The following KIF1A variants were observed in gnomAD, a reference collection of about 807,000 sequenced individuals.
The protein encoded by KIF1A is kinesin-like protein KIF1A.
In KIF1A, 46 loss-of-function variants were observed where a neutral mutation model predicts 227.3. That is an observed-to-expected ratio of 0.20 (90% CI 0.16 to 0.26). The LOEUF (loss-of-function observed/expected upper bound fraction) is 0.26. Among genes scored for constraint, KIF1A ranks in the 10% least tolerant of loss-of-function variants. The probability of loss-of-function intolerance (pLI) is 1.00; values close to 1 mark genes in which losing one functional copy is unlikely to be tolerated. For missense variants in KIF1A, 1,683 were observed against 2,485.9 expected (o/e 0.68, Z 6.87); for synonymous variants, 1,022 against 1,012.8 (o/e 1.01, Z -0.17).
At position 240,760,794 on chromosome 2, in the gene KIF1A, G is replaced by A; in HGVS notation, c.2315C>T (p.Pro772Leu). 6.2e-7 allele frequency: 1 copy of A among 1,605,338 alleles called. No individual in the cohort carries two copies. The highest frequency in any genetic ancestry group is 1.7e-5 in the Admixed American group (1 of 58,310). ...GGCCTCTGGGGGCAGCAGGTCGGGT[G>A]GCAGAGGGGAGTAGAGTGTGTCCGT... ...LLTDTLYSPL[P>L]PDLLPPEAAK... Residue 772 changes from proline (P) to leucine (L), a missense_variant, in exon 25 of 49, where the codon CCA becomes CTA. This residue lies in a region of KIF1A where 217 missense variants were observed against 427.0 expected (regional missense o/e 0.51). Transcript: ENST00000498729.
chr2:240,787,392 G>A lies in KIF1A; in HGVS notation c.364-76C>T, dbSNP rs896903996. Reference sequence around the variant, plus strand: ...GATCCCTGCCCCTTGCGATACTGTGGGCAGCCTGTGCCAGGCGGGATCCAC... The same window carrying A: ...GATCCCTGCCCCTTGCGATACTGTGAGCAGCCTGTGCCAGGCGGGATCCAC... On this transcript the variant is annotated intron_variant, in intron 4 of 48. Transcript: ENST00000498729. 12 of 1,322,178 alleles carry A rather than the reference G, an allele frequency of 9.1e-6. No individual in the cohort carries two copies. The Admixed American group carries it at 1.2e-4, about 13-fold the overall frequency. The allele number at this position is 1,322,178 out of a possible 1,614,324, so 81.9% of individuals were successfully genotyped here. A position where few individuals can be genotyped will look rare whatever the true frequency, so the allele number is the denominator to read the frequency against.
chr2:240,783,402 G>T (rs1158642072), intron 8 of KIF1A, among the ~76,000 whole-genome samples: 1 of 152,208 alleles, frequency 6.6e-6, no homozygotes, highest in Non-Finnish European at 1.5e-5. Flanking sequence ...GAGGCCAGCA[G>T]GGGTCGAGGA....
In KIF1A at chr2:240,765,168, C is replaced by CCTGTCTGA. The variant is rs1461710289; in HGVS notation, c.1768+534_1768+541dup. On this transcript the variant is annotated intron_variant, in intron 20 of 48. Coordinates refer to ENST00000498729, the MANE Select transcript of KIF1A (RefSeq NM_001244008.2). ...AGTCACACACCACTCAAGAGGGCCC[C>CCTGTCTGA]CTGTCTGACTGTCTGACTTCTCTAA... 2.6e-5 allele frequency among the ~76,000 whole-genome samples: 4 copies of CCTGTCTGA among 152,380 alleles called. No individual in the cohort carries two copies. In the East Asian group the frequency reaches 7.7e-4, roughly 29 times the overall value.
rs1357781315 is a variant in KIF1A at position 240,741,345 on chromosome 2, G to A, written c.3673C>T (p.Pro1225Ser). The A allele has an allele frequency of 6.3e-7, 1 of 1,589,548 alleles. No individual in the cohort carries two copies. Among genetic ancestry groups the A allele is most frequent in the East Asian group, 2.3e-5 (1 of 44,082 alleles). ...TTGCAGTGGCAGGGTCCCGGACAGG[G>A]CCGCGTCAGTGTGCTGAGCTTGGTG... Reference protein sequence around the residue: ...PATKLSTLTRPCPGPCHCKYD... With the variant: ...PATKLSTLTRSCPGPCHCKYD... The change falls in exon 35 of 49, where the codon CCC becomes TCC. Residue 1225 changes from proline to serine, a missense_variant. By Grantham distance (74) the Pro-to-Ser change is moderately conservative. Around this residue, in one of 12 missense-constraint regions of KIF1A, gnomAD observed 759 missense variants for 1,020.2 expected, o/e 0.74. Coordinates refer to ENST00000498729, the MANE Select transcript of KIF1A (RefSeq NM_001244008.2).
intron 37 of KIF1A, among the ~76,000 whole-genome samples, chr2:240,738,979 A>G (rs2047663426): frequency 6.6e-6 from 1 of 152,264 alleles, no homozygotes; most frequent in Non-Finnish European, 1.5e-5. Flanking sequence ...TTCTGCCTAT[A>G]AATCAATTCA....
In KIF1A at chr2:240,772,589, A is replaced by C. The variant is rs1281867209; in HGVS notation, c.1188T>G (p.Thr396=). ...ACACACATTTGGGTCCTCCAGGCAC[A>C]GTGTTGGCTATGGGGGAGGGAAGCG... ...QGLGDITDTN[T]VPGGPKLTNA... Residue 396 remains threonine, a synonymous_variant, in exon 14 of 49, where the codon ACT becomes ACG. Transcript: ENST00000498729. 2.6e-6 allele frequency: 4 copies of C among 1,526,404 alleles called. No individual in the cohort carries two copies. In the East Asian group the frequency reaches 9.8e-5, roughly 37 times the overall value. The allele number at this position is 1,526,404 out of a possible 1,614,324, so 94.6% of individuals were successfully genotyped here.
chr2:240,751,167 C>T (rs2049159156), intron 27 of KIF1A, among the ~76,000 whole-genome samples: 1 of 152,172 alleles, frequency 6.6e-6, no homozygotes, highest in Admixed American at 6.5e-5. Flanking sequence ...CCAAGATCCC[C>T]CTTTCCTAGG....
chr2:240,720,865 G>T (rs763665189), intron 45 of KIF1A, 49 bp downstream of exon 45: 1 of 1,506,066 alleles, frequency 6.6e-7, no homozygotes, highest in Non-Finnish European at 8.9e-7. Flanking sequence ...CATGGTCATG[G>T]GTCAGCCGTG....
intron 18 of KIF1A, 43 bp downstream of exon 18, chr2:240,767,223 C>T: frequency 1.3e-6 from 2 of 1,525,182 alleles, no homozygotes; most frequent in African/African-American, 2.7e-5. Context: ...TGCCAGATCC[C>T]AGGGCCTGGC....
chr2:240,744,842 C>T (rs777823967), intron 32 of KIF1A, among the ~76,000 whole-genome samples: 31 of 152,210 alleles, frequency 2.0e-4, no homozygotes, highest in Admixed American at 3.3e-4. Flanking sequence ...CAAATCCACA[C>T]CCGTGGCCTG....
intron 41 of KIF1A, 76 bp from the exon 42 acceptor site, chr2:240,723,634 A>T: frequency 6.9e-7 from 1 of 1,448,046 alleles, no homozygotes; most frequent in Non-Finnish European, 9.2e-7. Flanking sequence ...AGGTCCGCCC[A>T]TCTGTGAAGC....
rs763296092 is a variant in KIF1A at position 240,721,054 on chromosome 2, C to T, written c.4744-16G>A. ...TCTCGGAGAGCTGCGGAGGAGAGGC[C>T]TTTTTCAGGGGACACAGGGAAGGGG... On this transcript the variant is annotated splice_polypyrimidine_tract_variant and intron_variant, in intron 44 of 48. Transcript: ENST00000498729. The T allele has an allele frequency of 3.1e-6, 5 of 1,611,114 alleles. No homozygotes were observed. In the African/African-American group the frequency reaches 5.3e-5, roughly 17 times the overall value.
intron 38 of KIF1A, chr2:240,728,403 C>T: frequency 3.1e-6 from 4 of 1,302,674 alleles, no homozygotes; most frequent in Non-Finnish European, 3.0e-6. Context: ...TGTCATTTCC[C>T]AATGAAACGC....
chr2:240,781,463 C>CACACA (rs1169689987), intron 10 of KIF1A, among the ~76,000 whole-genome samples: 1 of 28,564 alleles, frequency 3.5e-5, no homozygotes, highest in Admixed American at 2.7e-4. Flanking sequence ...ACACACAGCT[C>CACACA]CACACACACA....
rs182740080 is a variant in KIF1A at position 240,751,104 on chromosome 2, A to T, written c.2859-557T>A. Among the ~76,000 whole-genome samples the T allele has an allele frequency of 2.2e-3, 338 of 152,106 alleles. 5 individuals carry two copies. The highest frequency in any genetic ancestry group is 7.2e-3 in the East Asian group (37 of 5,166). Reference sequence around the variant, plus strand: ...GGAGGTGCTGAATGGAGCCCTGAGGACACCCCCAGGGCCACGGTGCGGCCC... The same window carrying T: ...GGAGGTGCTGAATGGAGCCCTGAGGTCACCCCCAGGGCCACGGTGCGGCCC... On this transcript the variant is annotated intron_variant, in intron 27 of 48. Coordinates refer to ENST00000498729, the MANE Select transcript of KIF1A (RefSeq NM_001244008.2).
chr2:240,744,579 G>A (rs1484989121), intron 32 of KIF1A, among the ~76,000 whole-genome samples: 1 of 152,192 alleles, frequency 6.6e-6, no homozygotes. Flanking sequence ...TATGAAAAGC[G>A]GAAGTTTGGG....
At position 240,715,165 on chromosome 2, in the gene KIF1A, C is replaced by CA. The variant is rs1293348514; in HGVS notation, c.*2198dup. On this transcript the variant is annotated 3_prime_UTR_variant, in exon 49 of 49. Transcript: ENST00000498729. ...CTGCCCTGCCTCTCCTTCCTGCCTC[C>CA]AGGCAGCGCTGGATGCCGGAGCAGG... 2 of 152,600 alleles carry CA rather than the reference C, an allele frequency of 1.3e-5. No individual in the cohort carries two copies. The highest frequency in any genetic ancestry group is 4.8e-5 in the African/African-American group (2 of 41,454). The allele number at this position is 152,600 out of a possible 1,614,324, so 9.5% of individuals were successfully genotyped here. A position where few individuals can be genotyped will look rare whatever the true frequency, so the allele number is the denominator to read the frequency against.
Position 240,789,385 on chromosome 2 carries a change from G to T in KIF1A, c.107-73C>A. 2 of 1,291,866 alleles carry T rather than the reference G, an allele frequency of 1.5e-6. No individual in the cohort carries two copies. Among genetic ancestry groups the T allele is most frequent in the Non-Finnish European group, 2.2e-6 (2 of 888,910 alleles). The allele number at this position is 1,291,866 out of a possible 1,614,324, so 80.0% of individuals were successfully genotyped here. On this transcript the variant is annotated intron_variant, in intron 2 of 48. Transcript: ENST00000498729. This position sits in a 1 kb window ranked among gnomAD's most constrained non-coding sequence, Gnocchi z 4.8. ...GACTAGCTGGCATCTACACTCCAAG[G>T]TGGGGAGATGGTCTTAAGAGGCCTC...
chr2:240,763,927 GCCA>G (rs1180657572), intron 20 of KIF1A, among the ~76,000 whole-genome samples: 1 of 152,156 alleles, frequency 6.6e-6, no homozygotes, highest in African/African-American at 2.4e-5. Context: ...CAGCATCAGG[GCCA>G]CCGAGGCATG....
Sources: allele counts gnomAD v4.1 joint callset (sites outside exome capture counted in the v4.1 genomes callset), GRCh38; gene constraint gnomAD v4.1.1; regional missense constraint gnomAD v4.1.1; non-coding constraint Gnocchi (gnomAD v3.1); transcripts MANE v1.5; gene names NCBI Gene and HGNC (gene_info 2026-07-23, HGNC 2026-07-21).